The following NTM variants were observed in gnomAD, a reference collection of about 807,000 sequenced individuals.
The protein encoded by NTM is IgLON family member 2.
In NTM, 13 loss-of-function variants were observed where a neutral mutation model predicts 42.1. The ratio of observed to expected loss-of-function variants is 0.31; its 90% CI spans 0.20 to 0.49. The LOEUF is 0.49. Among genes scored for constraint, NTM ranks in the 20% least tolerant of loss-of-function variants. NTM has a pLI of 0.99. For synonymous variants in NTM, 187 were observed against 179.2 expected (o/e 1.04, Z -0.35); for missense variants, 373 against 452.8 (o/e 0.82, Z 1.60).
chr11:131,629,031 A>T (rs1201230047), intron 1 of NTM, among the ~76,000 whole-genome samples: 1 of 152,208 alleles, frequency 6.6e-6, no homozygotes, highest in Non-Finnish European at 1.5e-5. Flanking sequence ...ATCGGCAATA[A>T]GCCGTGTCTG....
chr11:131,381,966 A>T (rs535845805), intron 1 of NTM, among the ~76,000 whole-genome samples: 16 of 152,366 alleles, frequency 1.1e-4, no homozygotes, highest in Non-Finnish European at 2.2e-4. Context: ...TTCATAGCTG[A>T]TAAACTATGT....
chr11:132,000,399 ATCCTCATGCTATTCT>A (rs1278866407), intron 2 of NTM, among the ~76,000 whole-genome samples: 1 of 152,122 alleles, frequency 6.6e-6, no homozygotes, highest in Non-Finnish European at 1.5e-5. Flanking sequence ...TTCTTTCATT[ATCCTCATGCTATTCT>A]TCCTGAGGAG....
At chr11:131,568,515 T>C (rs2057120973) in intron 1 of NTM, among the ~76,000 whole-genome samples, 1 of 152,196 alleles carries the variant, frequency 6.6e-6, no homozygotes, top group Non-Finnish European at 1.5e-5. Context: ...TCATAGCAAC[T>C]GTCCATCTAG....
intron 1 of NTM, among the ~76,000 whole-genome samples, chr11:131,767,502 G>C (rs2085314484): frequency 6.6e-6 from 1 of 152,210 alleles, no homozygotes; most frequent in South Asian, 2.1e-4. Context: ...TTAGGAGGGG[G>C]ACTCTGGGAG....
intron 1 of NTM, among the ~76,000 whole-genome samples, chr11:131,898,691 A>G (rs149953828): frequency 3.1e-4 from 47 of 152,362 alleles, no homozygotes; most frequent in South Asian, 2.9e-3. Context: ...TGGGCAATCA[A>G]AAATAATCTT....
intron 1 of NTM, among the ~76,000 whole-genome samples, chr11:131,442,199 T>C (rs1949678384): frequency 6.6e-6 from 1 of 152,206 alleles, no homozygotes; most frequent in African/African-American, 2.4e-5. Flanking sequence ...CCCGTGATTG[T>C]GGCATTTTTG....
chr11:132,285,726 C>G (rs1341269184), intron 4 of NTM, among the ~76,000 whole-genome samples: 2 of 152,190 alleles, frequency 1.3e-5, no homozygotes, highest in East Asian at 1.9e-4. Flanking sequence ...CATCACTCCC[C>G]TTTTCTCAGG....
At chr11:131,800,690 C>T (rs1029169577) in intron 1 of NTM, among the ~76,000 whole-genome samples, 3 of 152,170 alleles carry the variant, frequency 2.0e-5, no homozygotes, top group Non-Finnish European at 4.4e-5. Flanking sequence ...GGTGTTCCAT[C>T]CTCTTCCTTC....
At position 132,136,321 on chromosome 11, in the gene NTM, G is replaced by A. The variant is rs184053598; in HGVS notation, c.168-9961G>A. ...TCACCTAGGCCCCAGGCAGTCATGT[G>A]GGCACTGTGTTACCACCAAAGGTGA... On this transcript the variant is annotated intron_variant, in intron 2 of 8. Transcript: ENST00000683400. Among the ~76,000 whole-genome samples, 55 of 152,332 alleles carry A rather than the reference G, an allele frequency of 3.6e-4. No homozygotes were observed. In the East Asian group the frequency reaches 9.1e-3, roughly 25 times the overall value.
rs148699196 is a variant in NTM at position 132,176,722 on chromosome 11, G to GTTTTTTTTT, written c.400+30224_400+30232dup. ...TCCTAGTTGAGTATACATGCCTAAA[G>GTTTTTTTTT]TTTTTTTTTTTTTTTTTTTTTTTTA... On this transcript the variant is annotated intron_variant, in intron 3 of 8. Transcript: ENST00000683400. Among the ~76,000 whole-genome samples the GTTTTTTTTT allele has an allele frequency of 4.5e-4, 37 of 82,010 alleles. 3 individuals carry two copies. The highest frequency in any genetic ancestry group is 1.6e-3 in the South Asian group (3 of 1,832). The allele number at this position is 82,010 out of a possible 152,430, so 53.8% of individuals were successfully genotyped here.
chr11:131,888,933 T>C (rs2050826386), intron 1 of NTM, among the ~76,000 whole-genome samples: 1 of 151,658 alleles, frequency 6.6e-6, no homozygotes. Context: ...ATTTTACCAG[T>C]GACAAGGACC....
At chr11:131,732,572 G>A (rs78391456) in intron 1 of NTM, among the ~76,000 whole-genome samples, 5,922 of 152,212 alleles carry the variant, frequency 0.039, 391 homozygotes, top group African/African-American at 0.13. Flanking sequence ...TTGATGAAAC[G>A]CCCCCAAACT....
At chr11:131,850,363 T>A (rs529455860) in intron 1 of NTM, among the ~76,000 whole-genome samples, 3 of 152,156 alleles carry the variant, frequency 2.0e-5, no homozygotes, top group Non-Finnish European at 4.4e-5. Context: ...TCTCTTTGCC[T>A]TCCCCACTTC....
chr11:132,145,202 A>G (rs2070114458), intron 2 of NTM, among the ~76,000 whole-genome samples: 2 of 152,218 alleles, frequency 1.3e-5, no homozygotes, highest in South Asian at 4.1e-4. Flanking sequence ...TCATCAGGCT[A>G]TTCAGAACCC....
intron 1 of NTM, among the ~76,000 whole-genome samples, chr11:131,384,416 G>A (rs774322265): frequency 2.6e-5 from 4 of 152,168 alleles, no homozygotes; most frequent in Non-Finnish European, 5.9e-5. Flanking sequence ...AAAGGATCAA[G>A]GGAGATTATA....
chr11:131,415,963 G>T (rs776878056), intron 1 of NTM, among the ~76,000 whole-genome samples: 19 of 152,120 alleles, frequency 1.2e-4, no homozygotes, highest in African/African-American at 3.1e-4. Context: ...TGGGACTAAG[G>T]TTGTCAGACT....
intron 2 of NTM, among the ~76,000 whole-genome samples, chr11:132,008,474 T>C (rs1179560666): frequency 1.3e-5 from 2 of 152,042 alleles, no homozygotes; most frequent in Non-Finnish European, 2.9e-5. Context: ...AGATTCTGAA[T>C]GTTAAAGCGT....
rs531975523 is a variant in NTM, at chr11:131,985,206, G to A, written c.167+73558G>A. Among the ~76,000 whole-genome samples, 5 of 152,276 alleles carry A rather than the reference G, an allele frequency of 3.3e-5. 1 individual carries two copies. In the South Asian group the frequency reaches 8.3e-4, roughly 25 times the overall value. The stretch of plus-strand genomic sequence containing the variant: ...CTATCCATTTCTTCTAGAGCCGCAG[G>A]TTCAGTAGGCACTTGGTTTGTCATA... On this transcript the variant is annotated intron_variant, in intron 2 of 8. Coordinates refer to ENST00000683400, the MANE Select transcript of NTM (RefSeq NM_001352005.2).
At position 131,812,406 on chromosome 11, in the gene NTM, T is replaced by C. The variant is rs181986810; in HGVS notation, c.83-99158T>C. On this transcript the variant is annotated intron_variant, in intron 1 of 8. Transcript: ENST00000683400. ...ATGAGGATAGACCCTAGGACCTGAA[T>C]TGGCTAACTGAAGAGCACTTCATAT... Among the ~76,000 whole-genome samples, 800 of 152,304 alleles carry C rather than the reference T, an allele frequency of 5.3e-3. 4 individuals are homozygous for C. Among genetic ancestry groups the C allele is most frequent in the South Asian group, 8.9e-3 (43 of 4,820 alleles).
Sources: gnomAD v4.1 joint callset for allele counts (sites outside exome capture counted in the v4.1 genomes callset) on GRCh38, gnomAD v4.1.1 for gene constraint, MANE v1.5 for transcripts, NCBI Gene and HGNC (gene_info 2026-07-23, HGNC 2026-07-21) for gene names.